Variants in TFDP1 observed in about 807,000 individuals in gnomAD.
TFDP1 encodes DRTF1-polypeptide 1.
Under a neutral mutation model 48.0 loss-of-function variants are expected in TFDP1, and 6 were observed. The observed-to-expected ratio is 0.13, with a 90% CI of 0.07 to 0.25. TFDP1 has a LOEUF of 0.25. Ranked by LOEUF, TFDP1 falls within the 10% of genes least tolerant of loss-of-function variation. The pLI, the probability that TFDP1 is intolerant of heterozygous loss-of-function variation, is 1.00. For missense variants in TFDP1, 335 were observed against 543.0 expected, an observed-to-expected ratio of 0.62 and a Z score of 3.81; for synonymous variants, 201 against 211.6, an observed-to-expected ratio of 0.95 and a Z score of 0.44.
chr13:113,628,408 G>A (rs539929219), intron 4 of TFDP1, among the ~76,000 whole-genome samples: 1 of 152,272 alleles, frequency 6.6e-6, no homozygotes, highest in African/African-American at 2.4e-5. Flanking sequence ...CTTATGACCT[G>A]TGGGGCCTGG....
At chr13:113,621,076 A>G (rs1369871719) in intron 3 of TFDP1, among the ~76,000 whole-genome samples, 1 of 152,286 alleles carries the variant, frequency 6.6e-6, no homozygotes, top group African/African-American at 2.4e-5. Flanking sequence ...AAGGGCCCCA[A>G]AATGAAACTT....
At chr13:113,613,437 T>C (rs2048757942) in intron 3 of TFDP1, among the ~76,000 whole-genome samples, 1 of 152,240 alleles carries the variant, frequency 6.6e-6, no homozygotes, top group Admixed American at 6.5e-5. Context: ...TGAGCACCAA[T>C]GTTCACTTCC....
At chr13:113,614,412 T>G (rs1265826203) in intron 3 of TFDP1, among the ~76,000 whole-genome samples, 1 of 152,142 alleles carries the variant, frequency 6.6e-6, no homozygotes, top group Non-Finnish European at 1.5e-5. Context: ...CAGCTGCTTT[T>G]TGAGTTGCCC....
chr13:113,634,012 T>C lies in TFDP1; in HGVS notation c.597T>C (p.Ala199=). The C allele has an allele frequency of 6.2e-7, 1 of 1,614,176 alleles. No individual in the cohort carries two copies. The stretch of plus-strand genomic sequence containing the variant: ...GGATTGGTCTGCCCACCAACTCGGC[T>C]CAGGAATGTCAGAACTTAGAGGTGC... The part of the protein sequence containing the change: ...IKWIGLPTNS[A]QECQNLEVER... Residue 199 remains alanine, a synonymous_variant, in exon 7 of 12, where the codon GCT becomes GCC. Transcript: ENST00000375370.
chr13:113,592,054 G>A (rs918475632), intron 2 of TFDP1, among the ~76,000 whole-genome samples: 25 of 152,208 alleles, frequency 1.6e-4, no homozygotes, highest in African/African-American at 2.7e-4. Context: ...TTAAGTTGTC[G>A]CACAGGTCAT....
Position 113,613,656 on chromosome 13 carries a change from C to T in TFDP1, c.79+2594C>T, listed in dbSNP as rs981389541. On this transcript the variant is annotated intron_variant, in intron 3 of 11. Coordinates refer to ENST00000375370, the MANE Select transcript of TFDP1 (RefSeq NM_007111.5). ...GTGTGCATGTGTGTCTGCGTGAATG[C>T]GTGGGTATGAGTGTGTGTGTGCATG... 3.4e-4 allele frequency among the ~76,000 whole-genome samples: 43 copies of T among 127,682 alleles called. 1 individual carries two copies. The highest frequency in any genetic ancestry group is 1.0e-3 in the African/African-American group (35 of 33,766). 83.8% of individuals were successfully genotyped at this position (127,682 alleles called of 152,430 possible).
At chr13:113,631,453 G>A (rs574851995) in intron 4 of TFDP1, among the ~76,000 whole-genome samples, 170 bp from the exon 5 acceptor site, 3 of 152,140 alleles carry the variant, frequency 2.0e-5, no homozygotes, top group East Asian at 1.9e-4. Flanking sequence ...GGGTGATGCC[G>A]TCACCGTGAC....
chr13:113,588,800 CGG>C (rs2048068211), intron 2 of TFDP1, among the ~76,000 whole-genome samples: 2 of 140,956 alleles, frequency 1.4e-5, no homozygotes, highest in Non-Finnish European at 1.5e-5. Context: ...GTGGTAGACT[CGG>C]GGACAGTGAG....
chr13:113,615,730 C>T (rs1167530455), intron 3 of TFDP1, among the ~76,000 whole-genome samples: 1 of 152,076 alleles, frequency 6.6e-6, no homozygotes. Flanking sequence ...AACGGGAGAC[C>T]CCATCTCTAT....
intron 10 of TFDP1, among the ~76,000 whole-genome samples, chr13:113,636,973 A>G (rs2049509030): frequency 1.3e-5 from 2 of 152,112 alleles, no homozygotes; most frequent in African/African-American, 4.8e-5. Flanking sequence ...AGGAGGTGCT[A>G]AGTCAGGATT....
intron 3 of TFDP1, among the ~76,000 whole-genome samples, chr13:113,621,216 C>T (rs932358559): frequency 2.0e-5 from 3 of 152,196 alleles, no homozygotes; most frequent in Non-Finnish European, 2.9e-5. Flanking sequence ...GATGGGCGGC[C>T]GTCCGGGGAG....
At chr13:113,613,303 T>C (rs1054388471) in intron 3 of TFDP1, among the ~76,000 whole-genome samples, 3 of 152,200 alleles carry the variant, frequency 2.0e-5, no homozygotes, top group Admixed American at 6.5e-5. Flanking sequence ...CGGGAGCCAC[T>C]GCACCCGGCC....
At position 113,623,624 on chromosome 13, in the gene TFDP1, A is replaced by G. The variant is rs2049049061; in HGVS notation, c.186+338A>G. 6.6e-6 allele frequency among the ~76,000 whole-genome samples: 1 copy of G among 152,166 alleles called. No homozygotes were observed. Among genetic ancestry groups the G allele is most frequent in the African/African-American group, 2.4e-5 (1 of 41,456 alleles). On this transcript the variant is annotated intron_variant, in intron 4 of 11. Transcript: ENST00000375370. This position sits in a 1 kb window ranked among gnomAD's most constrained non-coding sequence, Gnocchi z 5.2. ...CAGAGCTCGAAGCTCTTCATCTAAC[A>G]GGGGCTTCTTACGTGATGTGGCCGA...
chr13:113,634,136 C>G, intron 7 of TFDP1, 103 bp downstream of exon 7: 9 of 1,519,122 alleles, frequency 5.9e-6, no homozygotes, highest in Non-Finnish European at 8.2e-6. Context: ...CCCTTATGCT[C>G]TCTGTGTCCG....
intron 2 of TFDP1, among the ~76,000 whole-genome samples, chr13:113,602,736 C>T (rs1378107250): frequency 4.6e-5 from 7 of 152,144 alleles, no homozygotes; most frequent in Non-Finnish European, 7.4e-5. Flanking sequence ...CAGGGTCCCC[C>T]CTGAGAAGTG....
chr13:113,614,237 TTGAGTG>T (rs891948350), intron 3 of TFDP1, among the ~76,000 whole-genome samples: 1 of 151,584 alleles, frequency 6.6e-6, no homozygotes. Flanking sequence ...CGTGTGTGAG[TTGAGTG>T]TGAGTTCTGA....
At chr13:113,612,306 C>T (rs949583919) in intron 3 of TFDP1, among the ~76,000 whole-genome samples, 6 of 152,228 alleles carry the variant, frequency 3.9e-5, no homozygotes, top group African/African-American at 1.2e-4. Context: ...CTGAGCCAGC[C>T]TGCAGCCTCC....
intron 4 of TFDP1, among the ~76,000 whole-genome samples, chr13:113,626,235 T>C (rs577924643): frequency 1.6e-4 from 25 of 152,254 alleles, no homozygotes; most frequent in African/African-American, 6.0e-4. Context: ...ACTGAGCTGT[T>C]TTTTGTTGTC....
At chr13:113,617,555 C>T (rs1313290770) in intron 3 of TFDP1, among the ~76,000 whole-genome samples, 1 of 135,156 alleles carries the variant, frequency 7.4e-6, no homozygotes, top group Non-Finnish European at 1.5e-5. Flanking sequence ...CGCTCACCTG[C>T]AGAACCCTTC....
Sources: gnomAD v4.1 joint callset for allele counts (sites outside exome capture counted in the v4.1 genomes callset) on GRCh38, gnomAD v4.1.1 for gene constraint, Gnocchi (gnomAD v3.1) non-coding constraint, MANE v1.5 for transcripts, NCBI Gene and HGNC (gene_info 2026-07-23, HGNC 2026-07-21) for gene names.